The following BAG1 variants were observed in gnomAD, a reference collection of about 807,000 sequenced individuals.
BAG1 encodes BAG cochaperone 1, also known as BAG family molecular chaperone regulator 1.
Under a neutral mutation model 35.5 loss-of-function variants are expected in BAG1, and 35 were observed. That is an observed-to-expected ratio of 0.99 (90% CI 0.75 to 1.31). The LOEUF is 1.31. BAG1 is among the 50% of genes most tolerant of loss of function. The pLI is 0.00. For synonymous variants in BAG1, 191 were observed against 178.9 expected, an observed-to-expected ratio of 1.07 and a Z score of -0.54; for missense variants, 464 against 453.6, an observed-to-expected ratio of 1.02 and a Z score of -0.21.
chr9:33,256,781 T>A lies in BAG1; in HGVS notation c.885+20A>T, dbSNP rs748814717. On this transcript the variant is annotated intron_variant, in intron 5 of 6. Coordinates refer to ENST00000634734, the MANE Select transcript of BAG1 (RefSeq NM_004323.6). Reference sequence around the variant, plus strand: ...TAAAGTCAAAGAAAACTAGTTCTTCTCAGCTGAATATTTACTTACCAGTGT... The same window carrying A: ...TAAAGTCAAAGAAAACTAGTTCTTCACAGCTGAATATTTACTTACCAGTGT... The A allele has an allele frequency of 1.3e-6, 2 of 1,589,898 alleles. No homozygotes were observed. Among genetic ancestry groups the A allele is most frequent in the African/African-American group, 2.7e-5 (2 of 74,378 alleles).
chr9:33,259,413 T>C (rs1427452687), intron 3 of BAG1: 1 of 158,084 alleles, frequency 6.3e-6, no homozygotes, highest in Non-Finnish European at 1.4e-5. Flanking sequence ...GCAGCCTCTG[T>C]CAGGAAAAAT....
Position 33,254,658 on chromosome 9 carries a change from T to C in BAG1, c.*561A>G. ...GTGGCTAGTCAGGGTCACTGGGAGG[T>C]GAGGACAAAGTCTAGAACCCAACAA... On this transcript the variant is annotated 3_prime_UTR_variant, in exon 7 of 7. Transcript: ENST00000634734. The C allele has an allele frequency of 5.7e-6, 1 of 176,502 alleles. No individual in the cohort carries two copies. The highest frequency in any genetic ancestry group is 1.2e-4 in the South Asian group (1 of 8,358). 10.9% of individuals were successfully genotyped at this position (176,502 alleles called of 1,614,324 possible).
rs1257731750 is a variant in BAG1 at position 33,254,297 on chromosome 9, A to C, written c.*922T>G. 4 of 151,188 alleles carry C rather than the reference A, an allele frequency of 2.6e-5. No homozygotes were observed. The highest frequency in any genetic ancestry group is 4.4e-5 in the Non-Finnish European group (3 of 67,820). The allele number at this position is 151,188 out of a possible 1,614,324, so 9.4% of individuals were successfully genotyped here. ...TGCTGCGCCAGGCCTTAATTTTTTA[A>C]AAACAATGATGGGGTGGGGGTGGGG... On this transcript the variant is annotated 3_prime_UTR_variant, in exon 7 of 7. Transcript: ENST00000634734.
In BAG1 at chr9:33,253,475, T is replaced by C. The variant is rs1352217252; in HGVS notation, c.*1744A>G. The C allele has an allele frequency of 6.6e-6, 1 of 152,266 alleles. No homozygotes were observed. The highest frequency in any genetic ancestry group is 6.5e-5 in the Admixed American group (1 of 15,290). The allele number at this position is 152,266 out of a possible 1,614,324, so 9.4% of individuals were successfully genotyped here. On this transcript the variant is annotated 3_prime_UTR_variant, in exon 7 of 7. Coordinates refer to ENST00000634734, the MANE Select transcript of BAG1 (RefSeq NM_004323.6). ...TGGTGCACAGTAACTTCTCATTAAA[T>C]GTTGTGGCCCACGCCACACAGCTAT... is the stretch of plus-strand genomic sequence containing the variant.
At chr9:33,256,720 G>A in intron 5 of BAG1, 81 bp downstream of exon 5, 1 of 1,171,632 alleles carries the variant, frequency 8.5e-7, no homozygotes, top group Non-Finnish European at 1.3e-6. Flanking sequence ...CAGGCAATAG[G>A]AGAGTAAATT....
intron 2 of BAG1, 47 bp from the exon 3 acceptor site, chr9:33,261,216 C>T: frequency 2.9e-6 from 4 of 1,398,136 alleles, no homozygotes; most frequent in Non-Finnish European, 4.0e-6. Context: ...TTGTACAACA[C>T]TGAAAATAAA....
rs1403384856 is a variant in BAG1, at chr9:33,253,980, A to G, written c.*1239T>C. ...AGGAAGGAGCTACTGCACCTGACTC[A>G]ATTTTTTTTTTTTCTGAGATGGAGT... On this transcript the variant is annotated 3_prime_UTR_variant, in exon 7 of 7. Coordinates refer to ENST00000634734, the MANE Select transcript of BAG1 (RefSeq NM_004323.6). 1.3e-5 allele frequency: 2 copies of G among 148,870 alleles called. No individual in the cohort carries two copies. Among genetic ancestry groups the G allele is most frequent in the Non-Finnish European group, 3.0e-5 (2 of 67,240 alleles). The allele number at this position is 148,870 out of a possible 1,614,324, so 9.2% of individuals were successfully genotyped here.
chr9:33,255,067 AT>A lies in BAG1; in HGVS notation c.*151del, dbSNP rs748074606. 1.3e-6 allele frequency: 2 copies of A among 1,570,352 alleles called. No individual in the cohort carries two copies. ...CTTTACTCAAAATCACAAAGACACT[AT>A]TTTTCATTGAGAACCAGTGTGAGAG... is the stretch of plus-strand genomic sequence containing the variant. On this transcript the variant is annotated 3_prime_UTR_variant, in exon 7 of 7. Coordinates refer to ENST00000634734, the MANE Select transcript of BAG1 (RefSeq NM_004323.6).
intron 2 of BAG1, chr9:33,261,923 G>T: frequency 1.0e-6 from 1 of 985,408 alleles, no homozygotes; most frequent in Non-Finnish European, 1.2e-6. Flanking sequence ...CCTCCTTTGA[G>T]TCAGAACAAT....
At chr9:33,261,838 T>G (rs1587790923) in intron 2 of BAG1, 1 of 963,236 alleles carries the variant, frequency 1.0e-6, no homozygotes, top group African/African-American at 1.8e-5. Context: ...CAGGAGGGTG[T>G]GGGTCCTGGC....
chr9:33,257,025 C>T, intron 4 of BAG1, 117 bp from the exon 5 acceptor site: 1 of 704,554 alleles, frequency 1.4e-6, no homozygotes. Context: ...GGCCAGGCCA[C>T]ATCTCAGATC....
Position 33,258,980 on chromosome 9 carries a change from A to G in BAG1, c.717T>C (p.Ser239=). ...CCAGCTGGTCAGCTATCTTCTCCACAGACTTCTCCAAATGTTTCAACTTCT... is the reference window on the plus strand; with the variant it reads ...CCAGCTGGTCAGCTATCTTCTCCACGGACTTCTCCAAATGTTTCAACTTCT... The change falls in exon 4 of 7, where the codon TCT becomes TCC. Residue 239 remains serine (S), a synonymous_variant. Coordinates refer to ENST00000634734, the MANE Select transcript of BAG1 (RefSeq NM_004323.6). The G allele has an allele frequency of 6.2e-7, 1 of 1,614,214 alleles. No individual in the cohort carries two copies. The highest frequency in any genetic ancestry group is 8.5e-7 in the Non-Finnish European group (1 of 1,180,022).
rs1820650815 is a variant in BAG1, at chr9:33,264,225, G to A, written c.450C>T (p.His150=). 2 of 1,603,968 alleles carry A rather than the reference G, an allele frequency of 1.2e-6. No homozygotes were observed. Among genetic ancestry groups the A allele is most frequent in the Admixed American group, 1.7e-5 (1 of 58,832 alleles). ...GCCCACCTGGCGCCCGACACTCACTGTGGGTGACAGTCACGGTGAGCCCAG... is the reference window on the plus strand; with the variant it reads ...GCCCACCTGGCGCCCGACACTCACTATGGGTGACAGTCACGGTGAGCCCAG... Residue 150 remains histidine, a splice_region_variant and synonymous_variant, in exon 1 of 7, where the codon CAC becomes CAT. Transcript: ENST00000634734.
intron 2 of BAG1, chr9:33,262,126 T>C: frequency 7.8e-7 from 1 of 1,289,730 alleles, no homozygotes; most frequent in Non-Finnish European, 1.0e-6. Flanking sequence ...AGACTGCCCA[T>C]GAGCTTCATC....
chr9:33,258,435 A>AT (rs1820502559), intron 4 of BAG1, among the ~76,000 whole-genome samples: 1 of 152,106 alleles, frequency 6.6e-6, no homozygotes, highest in Non-Finnish European at 1.5e-5. Context: ...CATCTCTAAT[A>AT]TAAGGAATTG....
intron 6 of BAG1, 141 bp from the exon 7 acceptor site, chr9:33,255,449 G>T: frequency 1.4e-6 from 2 of 1,386,228 alleles, no homozygotes; most frequent in Non-Finnish European, 2.0e-6. Context: ...TGGGCCACTG[G>T]CCTGGGTTCC....
Position 33,258,985 on chromosome 9 carries a change from T to C in BAG1, c.712A>G (p.Lys238Glu). The change falls in exon 4 of 7, where the codon AAG (lysine) becomes GAG (glutamate). Residue 238 changes from lysine to glutamate, a missense_variant. Physicochemically the swap from Lys to Glu is moderately conservative, Grantham distance 56. Coordinates refer to ENST00000634734, the MANE Select transcript of BAG1 (RefSeq NM_004323.6). ...TGGTCAGCTATCTTCTCCACAGACT[T>C]CTCCAAATGTTTCAACTTCTTTAGT... 6.2e-7 allele frequency: 1 copy of C among 1,614,194 alleles called. No individual in the cohort carries two copies. The highest frequency in any genetic ancestry group is 8.5e-7 in the Non-Finnish European group (1 of 1,180,038).
chr9:33,262,838 G>A lies in BAG1; in HGVS notation c.452-8C>T. 1 of 1,609,728 alleles carries A rather than the reference G, an allele frequency of 6.2e-7. No individual in the cohort carries two copies. Among genetic ancestry groups the A allele is most frequent in the Non-Finnish European group, 8.5e-7 (1 of 1,178,674 alleles). ...GGTCGTGCTTCTCATTGCCTGGGGA[G>A]AAAGAAAAGCATTTGACGAATATGA... On this transcript the variant is annotated splice_polypyrimidine_tract_variant and splice_region_variant and intron_variant, in intron 1 of 6. Coordinates refer to ENST00000634734, the MANE Select transcript of BAG1 (RefSeq NM_004323.6).
Position 33,264,267 on chromosome 9 carries a change from C to G in BAG1, c.408G>C (p.Arg136Ser). The change falls in exon 1 of 7, where the codon AGG (arginine) becomes AGC (serine). Residue 136 changes from arginine (R) to serine (S), a missense_variant. Transcript: ENST00000634734. ...TGAGCCCAGCTGCCGCCATTTCCTC[C>G]CTGGTCACCTCCTCGCTCCGGGTCG... is the stretch of plus-strand genomic sequence containing the variant. 1 of 1,613,516 alleles carries G rather than the reference C, an allele frequency of 6.2e-7. No individual in the cohort carries two copies. Among genetic ancestry groups the G allele is most frequent in the South Asian group, 1.1e-5 (1 of 90,978 alleles).
Sources: allele counts gnomAD v4.1 joint callset (sites outside exome capture counted in the v4.1 genomes callset), GRCh38; gene constraint gnomAD v4.1.1; transcripts MANE v1.5; gene names NCBI Gene and HGNC (gene_info 2026-07-23, HGNC 2026-07-21).